ZC3H3: variants seen among roughly 807,000 people sequenced by gnomAD.
The protein encoded by ZC3H3 is zinc finger CCCH-type containing 3.
ZC3H3 carries 36 observed loss-of-function variants against 77.3 expected under a neutral mutation model. The observed-to-expected ratio is 0.47, with a 90% confidence interval of 0.36 to 0.61. The LOEUF (loss-of-function observed/expected upper bound fraction) is 0.61. Ranked by LOEUF, ZC3H3 falls within the 20% of genes least tolerant of loss-of-function variation. ZC3H3 has a pLI of 0.00. For synonymous variants in ZC3H3, 626 were observed against 555.2 expected, an observed-to-expected ratio of 1.13 and a Z score of -1.79; for missense variants, 1,331 against 1,312.2, an observed-to-expected ratio of 1.01 and a Z score of -0.22.
At chr8:143,541,232 C>A (rs1823003034) in intron 1 of ZC3H3, 144 bp downstream of exon 1, 9 of 1,472,576 alleles carry the variant, frequency 6.1e-6, no homozygotes, top group Non-Finnish European at 8.1e-6. Flanking sequence ...GCCCACAAGT[C>A]CTGGCGGACC....
chr8:143,443,668 T>C, intron 9 of ZC3H3, among the ~76,000 whole-genome samples: 1 of 152,234 alleles, frequency 6.6e-6, no homozygotes, highest in East Asian at 1.9e-4. Flanking sequence ...AGTTAAAAGT[T>C]GGTTCTTTTA....
chr8:143,538,841 G>A lies in ZC3H3; in HGVS notation c.526C>T (p.Pro176Ser). The change falls in exon 2 of 12, where the codon CCA becomes TCA. Residue 176 changes from proline to serine, a missense_variant. Coordinates refer to ENST00000262577, the MANE Select transcript of ZC3H3 (RefSeq NM_015117.3). ...PPRGQLQPSR[P>S]TRARGTCSVE... ...CTGCAGGTCCCCCTGGCTCTTGTTGGCCTCGAGGGCTGCAGCTGTCCCCGA... is the reference window on the plus strand; with the variant it reads ...CTGCAGGTCCCCCTGGCTCTTGTTGACCTCGAGGGCTGCAGCTGTCCCCGA... The A allele has an allele frequency of 6.2e-7, 1 of 1,612,216 alleles. No individual in the cohort carries two copies. The highest frequency in any genetic ancestry group is 8.5e-7 in the Non-Finnish European group (1 of 1,179,654).
chr8:143,445,286 C>T (rs1399564780), intron 9 of ZC3H3, among the ~76,000 whole-genome samples: 2 of 151,100 alleles, frequency 1.3e-5, no homozygotes, highest in Non-Finnish European at 2.9e-5. Context: ...GAGATTGAGG[C>T]AGGAGAATTG....
chr8:143,457,766 C>G (rs1194782603), intron 9 of ZC3H3, among the ~76,000 whole-genome samples: 3 of 152,164 alleles, frequency 2.0e-5, no homozygotes, highest in African/African-American at 7.2e-5. Context: ...ACTCAGGACG[C>G]TGAGGCAGGA....
At chr8:143,528,358 G>A (rs1018879919) in intron 3 of ZC3H3, among the ~76,000 whole-genome samples, 6 of 152,204 alleles carry the variant, frequency 3.9e-5, no homozygotes, top group Non-Finnish European at 7.4e-5. Flanking sequence ...GCCACGCCTC[G>A]GCCAGGCAGC....
Position 143,506,899 on chromosome 8 carries a change from G to A in ZC3H3, c.1715+847C>T, listed in dbSNP as rs535766866. ...GGCAGCTACGGTCCGGTGGGTGGCC[G>A]TGCCCTGGGCCGTGGCTGCTCGCCC... On this transcript the variant is annotated intron_variant, in intron 4 of 11. Coordinates refer to ENST00000262577, the MANE Select transcript of ZC3H3 (RefSeq NM_015117.3). Among the ~76,000 whole-genome samples, 86 of 152,318 alleles carry A rather than the reference G, an allele frequency of 5.6e-4. 2 individuals are homozygous for A. The South Asian group carries it at 0.011, about 19-fold the overall frequency.
At chr8:143,463,008 A>T (rs1453648039) in intron 9 of ZC3H3, among the ~76,000 whole-genome samples, 2 of 148,358 alleles carry the variant, frequency 1.3e-5, no homozygotes, top group Non-Finnish European at 3.0e-5. Flanking sequence ...TTTGAGACAG[A>T]GTCTCACTCT....
At chr8:143,475,252 C>A in intron 5 of ZC3H3, 146 bp downstream of exon 5, 1 of 979,270 alleles carries the variant, frequency 1.0e-6, no homozygotes, top group Non-Finnish European at 1.5e-6. Flanking sequence ...GAGCATGAGG[C>A]CCCTGACCTC....
intron 3 of ZC3H3, among the ~76,000 whole-genome samples, chr8:143,524,812 G>A (rs903880147): frequency 1.3e-5 from 2 of 152,220 alleles, no homozygotes; most frequent in African/African-American, 4.8e-5. Context: ...CCCCACAGCA[G>A]GGCACCTGCC....
intron 9 of ZC3H3, among the ~76,000 whole-genome samples, chr8:143,455,086 C>T (rs920328779): frequency 1.3e-5 from 2 of 151,588 alleles, no homozygotes; most frequent in African/African-American, 4.9e-5. Context: ...GAGGCCAAGA[C>T]GGGTGGATCA....
intron 5 of ZC3H3, among the ~76,000 whole-genome samples, chr8:143,470,864 T>C (rs374661224): frequency 6.6e-6 from 1 of 152,294 alleles, no homozygotes; most frequent in African/African-American, 2.4e-5. Context: ...AAAGTTCAAC[T>C]GAATAACCCC....
chr8:143,511,071 T>C (rs1010362142), intron 3 of ZC3H3, among the ~76,000 whole-genome samples: 7 of 152,362 alleles, frequency 4.6e-5, no homozygotes, highest in African/African-American at 1.7e-4. Flanking sequence ...GTGAATGAGA[T>C]ATGAGCCCAT....
intron 9 of ZC3H3, among the ~76,000 whole-genome samples, chr8:143,465,495 G>A (rs568977842): frequency 1.3e-5 from 2 of 152,312 alleles, no homozygotes; most frequent in Non-Finnish European, 1.5e-5. Flanking sequence ...GGTCCTCTGC[G>A]CCTCACCTTC....
intron 4 of ZC3H3, among the ~76,000 whole-genome samples, chr8:143,483,871 G>A (rs1303445868): frequency 6.6e-6 from 1 of 152,230 alleles, no homozygotes; most frequent in African/African-American, 2.4e-5. Context: ...AGGGGCTCCG[G>A]CACCATGGCC....
At chr8:143,500,840 A>G (rs1821504065) in intron 4 of ZC3H3, among the ~76,000 whole-genome samples, 3 of 140,574 alleles carry the variant, frequency 2.1e-5, no homozygotes, top group African/African-American at 8.0e-5. Flanking sequence ...TTTTGAGACT[A>G]TCTCACTCTG....
intron 2 of ZC3H3, 121 bp from the exon 3 acceptor site, chr8:143,536,574 G>A (rs1000487720): frequency 9.1e-6 from 10 of 1,099,382 alleles, no homozygotes; most frequent in South Asian, 3.4e-5. Flanking sequence ...AGGCCACAGC[G>A]GGTCCTTTCT....
chr8:143,492,191 C>A (rs1447470641), intron 4 of ZC3H3, among the ~76,000 whole-genome samples: 1 of 152,190 alleles, frequency 6.6e-6, no homozygotes, highest in East Asian at 1.9e-4. Context: ...AGGCCCAGGT[C>A]GGGCGGCAAA....
intron 4 of ZC3H3, among the ~76,000 whole-genome samples, chr8:143,504,748 T>C (rs990156964): frequency 3.3e-5 from 5 of 152,008 alleles, no homozygotes; most frequent in African/African-American, 7.3e-5. Context: ...CCCAGGGCCT[T>C]CCCTCAACAC....
At chr8:143,518,989 C>A (rs1387705068) in intron 3 of ZC3H3, among the ~76,000 whole-genome samples, 2 of 152,244 alleles carry the variant, frequency 1.3e-5, no homozygotes, top group Non-Finnish European at 2.9e-5. Context: ...GCCCCAGCAG[C>A]AATGCCTGCC....
Sources: gnomAD v4.1 joint callset for allele counts (sites outside exome capture counted in the v4.1 genomes callset) on GRCh38, gnomAD v4.1.1 for gene constraint, MANE v1.5 for transcripts, NCBI Gene and HGNC (gene_info 2026-07-23, HGNC 2026-07-21) for gene names.